Variants in SBNO2 observed in about 807,000 individuals in gnomAD.
SBNO2 encodes the protein protein strawberry notch homolog 2.
In SBNO2, 89 loss-of-function variants were observed where a neutral mutation model predicts 146.3. That is an observed-to-expected ratio of 0.61 (90% CI 0.51 to 0.73). The LOEUF is 0.73. Among genes scored for constraint, SBNO2 ranks in the 30% least tolerant of loss-of-function variants. The pLI is 0.00. For missense variants in SBNO2, 2,092 were observed against 2,003.7 expected, an observed-to-expected ratio of 1.04 and a Z score of -0.84; for synonymous variants, 1,147 against 892.6, an observed-to-expected ratio of 1.29 and a Z score of -5.08.
rs938903485 is a variant in SBNO2, at chr19:1,108,604, G to A, written c.3717C>T (p.Pro1239=). 3.7e-5 allele frequency: 51 copies of A among 1,370,900 alleles called. No individual in the cohort carries two copies. Among genetic ancestry groups the A allele is most frequent in the Non-Finnish European group, 4.6e-5 (49 of 1,071,856 alleles). 84.9% of individuals were successfully genotyped at this position (1,370,900 alleles called of 1,614,324 possible). A position where few individuals can be genotyped will look rare whatever the true frequency, so the allele number is the denominator to read the frequency against. The change falls in exon 32 of 32, where the codon CCC becomes CCT. Residue 1239 remains proline, a synonymous_variant. Coordinates refer to ENST00000361757, the MANE Select transcript of SBNO2 (RefSeq NM_014963.3). ...KRRQAPALGC[P]APPAPRPLAL... ...CCAGCGGGCGCGGGGCGGGCGGGGC[G>A]GGGCAGCCCAGGGCGGGCGCCTGCC...
rs934821816 is a variant in SBNO2, at chr19:1,108,304, C to G, written c.4017G>C (p.Ala1339=). ...CGGGACCACCGCCCGCCGCGCCCCC[C>G]GCCCCCGCGCCCTCCCCCAGCGCGC... The part of the protein sequence containing the change: ...SEGALGEGAG[A]GGAAGGGPER... Residue 1339 remains alanine (A), a synonymous_variant, in exon 32 of 32, where the codon GCG becomes GCC. Coordinates refer to ENST00000361757, the MANE Select transcript of SBNO2 (RefSeq NM_014963.3). The G allele has an allele frequency of 4.1e-6, 6 of 1,460,236 alleles. No individual in the cohort carries two copies. The highest frequency in any genetic ancestry group is 5.4e-6 in the Non-Finnish European group (6 of 1,102,670). The allele number at this position is 1,460,236 out of a possible 1,614,324, so 90.5% of individuals were successfully genotyped here.
intron 11 of SBNO2, 142 bp downstream of exon 11, chr19:1,121,997 G>C: frequency 3.7e-5 from 18 of 492,344 alleles, no homozygotes; most frequent in East Asian, 1.2e-4. Context: ...CCCTTCCCCA[G>C]CCCCACCCCT....
At position 1,119,040 on chromosome 19, in the gene SBNO2, C is replaced by T. The variant is rs201652801; in HGVS notation, c.1498G>A (p.Glu500Lys). 1.3e-4 allele frequency: 204 copies of T among 1,603,626 alleles called. No individual in the cohort carries two copies. Among genetic ancestry groups the T allele is most frequent in the Non-Finnish European group, 1.6e-4 (191 of 1,177,136 alleles). ...AGGGCCGCGCGGTTGTAGACGCACT[C>T]GAAGGCTGGGGCCAGCGGGATCTCC... ...IEEIPLAPAFECVYNRAALLW... is the reference protein window; with the variant it reads ...IEEIPLAPAFKCVYNRAALLW... The change falls in exon 14 of 32, where the codon GAG (glutamate) becomes AAG (lysine). Residue 500 changes from glutamate (E) to lysine (K), a missense_variant. By Grantham distance (56) the Glu-to-Lys change is moderately conservative (BLOSUM62 1). Coordinates refer to ENST00000361757, the MANE Select transcript of SBNO2 (RefSeq NM_014963.3).
At chr19:1,124,116 T>C in intron 5 of SBNO2, 94 bp from the exon 6 acceptor site, 1 of 1,176,554 alleles carries the variant, frequency 8.5e-7, no homozygotes, top group South Asian at 1.3e-5. Context: ...GGCTCCCCAC[T>C]GCCCCGTCCT....
In SBNO2 at chr19:1,110,678, A is replaced by T; in HGVS notation, c.3028+67T>A. On this transcript the variant is annotated intron_variant, in intron 26 of 31. Coordinates refer to ENST00000361757, the MANE Select transcript of SBNO2 (RefSeq NM_014963.3). The surrounding 1 kb of genome is among the most constrained non-coding windows in gnomAD (Gnocchi z 4.9). ...CCCACGAGCCCCGAGCCCACCCAGG[A>T]TGCATGGCGTTCCCACGAGCCCCGC... is the stretch of plus-strand genomic sequence containing the variant. 6.8e-7 allele frequency: 1 copy of T among 1,477,206 alleles called. No individual in the cohort carries two copies. The highest frequency in any genetic ancestry group is 9.3e-7 in the Non-Finnish European group (1 of 1,075,104). The allele number at this position is 1,477,206 out of a possible 1,614,324, so 91.5% of individuals were successfully genotyped here.
Position 1,126,944 on chromosome 19 carries a change from C to T in SBNO2, c.441+660G>A. ...ACCTGGGGGCCCTGCTGCCCTACAA[C>T]CCCTGCTCTAGGCCTGGCCCACCCA... On this transcript the variant is annotated intron_variant, in intron 5 of 31. Transcript: ENST00000361757. This position sits in a 1 kb window ranked among gnomAD's most constrained non-coding sequence, Gnocchi z 4.4. Among the ~76,000 whole-genome samples, 1 of 152,222 alleles carries T rather than the reference C, an allele frequency of 6.6e-6. No individual in the cohort carries two copies. The highest frequency in any genetic ancestry group is 1.9e-4 in the East Asian group (1 of 5,194).
intron 4 of SBNO2, among the ~76,000 whole-genome samples, chr19:1,128,498 T>G (rs1041955272): frequency 1.3e-5 from 2 of 151,868 alleles, no homozygotes; most frequent in Non-Finnish European, 2.9e-5. Flanking sequence ...GTGCAAGCGA[T>G]TCTCCTGCCT....
intron 7 of SBNO2, 79 bp downstream of exon 7, chr19:1,123,455 G>T: frequency 8.4e-7 from 1 of 1,187,786 alleles, no homozygotes. Flanking sequence ...GGCTGTGCGG[G>T]CGGTGGTCAC....
At position 1,109,456 on chromosome 19, in the gene SBNO2, T is replaced by G. The variant is rs779017106; in HGVS notation, c.3217-33A>C. ...GGGGGGCGTTGAGGCCGCGCCCCGG[T>G]CCGCCCCCCGCGGGCCCTCCTCTGG... On this transcript the variant is annotated intron_variant, in intron 28 of 31. Coordinates refer to ENST00000361757, the MANE Select transcript of SBNO2 (RefSeq NM_014963.3). This position sits in a 1 kb window ranked among gnomAD's most constrained non-coding sequence, Gnocchi z 4.2. 2.6e-6 allele frequency: 4 copies of G among 1,565,268 alleles called. No homozygotes were observed. In the South Asian group the frequency reaches 4.7e-5, roughly 18 times the overall value.
rs1290575301 is a variant in SBNO2, at chr19:1,109,046, C to T, written c.3426-77G>A. 2 of 1,505,866 alleles carry T rather than the reference C, an allele frequency of 1.3e-6. No homozygotes were observed. The highest frequency in any genetic ancestry group is 1.3e-5 in the South Asian group (1 of 79,802). The allele number at this position is 1,505,866 out of a possible 1,614,324, so 93.3% of individuals were successfully genotyped here. A position where few individuals can be genotyped will look rare whatever the true frequency, so the allele number is the denominator to read the frequency against. On this transcript the variant is annotated intron_variant, in intron 30 of 31. Transcript: ENST00000361757. This position sits in a 1 kb window ranked among gnomAD's most constrained non-coding sequence, Gnocchi z 4.2. ...GCTCCCCAGGTGCCCTGAGATCTCC[C>T]GCCTCCTCTCAGGGTCTCGGGAGCC...
chr19:1,121,832 C>G (rs10413141), intron 11 of SBNO2, among the ~76,000 whole-genome samples: 4,810 of 152,230 alleles, frequency 0.032, 250 homozygotes, highest in African/African-American at 0.11. Flanking sequence ...GAAACCAAGC[C>G]GGAGCCCTGT....
chr19:1,174,076 C>T (rs1255824074), intron 1 of SBNO2, 96 bp downstream of exon 1: 2 of 148,854 alleles, frequency 1.3e-5, no homozygotes, highest in African/African-American at 4.9e-5. Context: ...CAGCCCCGGG[C>T]GCAGGGGTCC....
In SBNO2 at chr19:1,110,954, C is replaced by T. The variant is rs1444791944; in HGVS notation, c.2884+65G>A. 6.2e-7 allele frequency: 1 copy of T among 1,610,670 alleles called. No homozygotes were observed. The highest frequency in any genetic ancestry group is 2.2e-5 in the East Asian group (1 of 44,750). On this transcript the variant is annotated intron_variant, in intron 25 of 31. Coordinates refer to ENST00000361757, the MANE Select transcript of SBNO2 (RefSeq NM_014963.3). This position sits in a 1 kb window ranked among gnomAD's most constrained non-coding sequence, Gnocchi z 4.9. ...TCCCTCTCCCTGCTTTGCTCACCAC[C>T]CGAGGCCAAGGTTGCATGAGATGAG... is the stretch of plus-strand genomic sequence containing the variant.
intron 4 of SBNO2, among the ~76,000 whole-genome samples, chr19:1,143,198 C>A (rs1274724783): frequency 6.6e-6 from 1 of 152,160 alleles, no homozygotes; most frequent in Non-Finnish European, 1.5e-5. Context: ...CTCCAACAAG[C>A]TGAATATGGT....
intron 14 of SBNO2, 82 bp downstream of exon 14, chr19:1,118,929 C>T (rs1052080829): frequency 1.4e-6 from 2 of 1,431,532 alleles, no homozygotes; most frequent in East Asian, 2.5e-5. Context: ...CCTGATGACG[C>T]CTGTGGCATC....
At chr19:1,120,395 C>T (rs1470107894) in intron 11 of SBNO2, among the ~76,000 whole-genome samples, 1 of 152,228 alleles carries the variant, frequency 6.6e-6, no homozygotes, top group Admixed American at 6.5e-5. Context: ...GAGACAGGGT[C>T]TTGCTCTGTC....
In SBNO2 at chr19:1,123,633, T is replaced by A. The variant is rs758132654; in HGVS notation, c.529A>T (p.Ser177Cys). 79 of 1,611,984 alleles carry A rather than the reference T, an allele frequency of 4.9e-5. No individual in the cohort carries two copies. Among genetic ancestry groups the A allele is most frequent in the South Asian group, 3.3e-4 (30 of 90,862 alleles). Residue 177 changes from serine to cysteine, a missense_variant, in exon 7 of 32, where the codon AGT becomes TGT. Transcript: ENST00000361757. Reference protein sequence around the residue: ...TPLLVSYQEQSVQSQPEEEDE... With the variant: ...TPLLVSYQEQCVQSQPEEEDE... The stretch of plus-strand genomic sequence containing the variant: ...TCCTCCTCTGGCTGGCTCTGCACAC[T>A]CTGCTCCTGCGTGCGTGGCGGGAGC...
At chr19:1,166,212 C>G (rs1220319378) in intron 1 of SBNO2, among the ~76,000 whole-genome samples, 1 of 137,430 alleles carries the variant, frequency 7.3e-6, no homozygotes. Flanking sequence ...ATCCCCAGAT[C>G]CCAGACCCGA....
intron 1 of SBNO2, among the ~76,000 whole-genome samples, chr19:1,160,776 C>T (rs1054141177): frequency 3.3e-5 from 5 of 152,138 alleles, no homozygotes; most frequent in Non-Finnish European, 5.9e-5. Flanking sequence ...GTGATCCGCC[C>T]GCCTCGGCCT....
Sources: gnomAD v4.1 joint callset for allele counts (sites outside exome capture counted in the v4.1 genomes callset) on GRCh38, gnomAD v4.1.1 for gene constraint, Gnocchi (gnomAD v3.1) non-coding constraint, MANE v1.5 for transcripts, NCBI Gene and HGNC (gene_info 2026-07-23, HGNC 2026-07-21) for gene names.